WDR4: variants seen among roughly 807,000 people sequenced by gnomAD.
WDR4 encodes WDR4 tRNA N7-guanosine methyltransferase non-catalytic subunit, also known as tRNA (guanine-N(7)-)-methyltransferase non-catalytic subunit WDR4.
Under a neutral mutation model 48.6 loss-of-function variants are expected in WDR4, and 47 were observed. That is an observed-to-expected ratio of 0.97 (90% CI 0.77 to 1.23). The LOEUF is 1.23. Ranked by LOEUF, WDR4 falls within the 50% of genes most tolerant of loss-of-function variation. WDR4 has a pLI of 0.00. For missense variants in WDR4, 606 were observed against 551.6 expected, an observed-to-expected ratio of 1.10 and a Z score of -0.99; for synonymous variants, 268 against 230.0, an observed-to-expected ratio of 1.17 and a Z score of -1.49.
At chr21:42,885,914 G>A in the WDR4 span, among the ~76,000 whole-genome samples, 1 of 150,416 alleles carries the variant, frequency 6.6e-6, no homozygotes, top group Non-Finnish European at 1.5e-5. Flanking sequence ...CCAGGCTAGT[G>A]CCAAATCCCC....
chr21:42,859,540 G>C, intron 6 of WDR4, 122 bp downstream of exon 6: 1 of 1,188,650 alleles, frequency 8.4e-7, no homozygotes, highest in Non-Finnish European at 1.2e-6. Context: ...CTAAGATCTA[G>C]TGGACAGCCA....
rs764876034 is a variant in WDR4, at chr21:42,852,341, G to A, written c.976-17C>T. 1.9e-6 allele frequency: 3 copies of A among 1,613,468 alleles called. No homozygotes were observed. In the African/African-American group the frequency reaches 4.0e-5, roughly 22 times the overall value. ...AGGAACAGACTGCAGGCGACAAACAGGAAATCTTCATCAGAAAGAGGCAGG... is the reference window on the plus strand; with the variant it reads ...AGGAACAGACTGCAGGCGACAAACAAGAAATCTTCATCAGAAAGAGGCAGG... On this transcript the variant is annotated splice_polypyrimidine_tract_variant and intron_variant, in intron 9 of 10. Transcript: ENST00000398208.
At chr21:42,851,989 C>T (rs918391688) in intron 10 of WDR4, among the ~76,000 whole-genome samples, 1 of 152,370 alleles carries the variant, frequency 6.6e-6, no homozygotes, top group East Asian at 1.9e-4. Context: ...GGACCTTCAA[C>T]GCCCAACTCT....
In WDR4 at chr21:42,854,619, G is replaced by C; in HGVS notation, c.734C>G (p.Ala245Gly). 6.2e-7 allele frequency: 1 copy of C among 1,613,176 alleles called. No individual in the cohort carries two copies. The highest frequency in any genetic ancestry group is 1.1e-5 in the South Asian group (1 of 90,868). The part of the protein sequence containing the change: ...LVDPQAPQKF[A>G]ASRIAFWCQE... ...GCACCAGAATGCAATCCTGGACGCGGCAAACTTCTAAAAGGAGAAGAAGCC... is the reference window on the plus strand; with the variant it reads ...GCACCAGAATGCAATCCTGGACGCGCCAAACTTCTAAAAGGAGAAGAAGCC... The change falls in exon 8 of 11, where the codon GCC becomes GGC. Residue 245 changes from alanine to glycine, a missense_variant. By Grantham distance (60) the Ala-to-Gly change is moderately conservative. Transcript: ENST00000398208.
the WDR4 span, among the ~76,000 whole-genome samples, chr21:42,888,272 A>G: frequency 6.6e-6 from 1 of 152,214 alleles, no homozygotes. Context: ...TATATTATGA[A>G]TATCAGCCAG....
At chr21:42,861,034 G>A (rs1188978187) in intron 5 of WDR4, among the ~76,000 whole-genome samples, 3 of 152,162 alleles carry the variant, frequency 2.0e-5, no homozygotes, top group South Asian at 2.1e-4. Context: ...CGGGCAGGCC[G>A]GGCACGGTGG....
chr21:42,871,559 G>A (rs2058368887), intron 3 of WDR4, among the ~76,000 whole-genome samples: 1 of 152,248 alleles, frequency 6.6e-6, no homozygotes, highest in Non-Finnish European at 1.5e-5. Context: ...GCAAGAGGAT[G>A]CCGTTCACAG....
At chr21:42,873,778 T>C (rs896831779) in intron 2 of WDR4, 87 bp from the exon 3 acceptor site, 4 of 1,499,756 alleles carry the variant, frequency 2.7e-6, no homozygotes, top group African/African-American at 2.8e-5. Flanking sequence ...ATTTCTAACA[T>C]GGGAGGAGGT....
upstream of WDR4, among the ~76,000 whole-genome samples, chr21:42,883,435 T>G (rs2058621271): frequency 6.6e-6 from 1 of 151,748 alleles, no homozygotes; most frequent in Admixed American, 6.6e-5. Context: ...TCATGGTGGT[T>G]GTAGTGGGTT....
At chr21:42,873,826 C>T in intron 2 of WDR4, 135 bp from the exon 3 acceptor site, 1 of 1,005,352 alleles carries the variant, frequency 9.9e-7, no homozygotes. Flanking sequence ...AAAATACAGA[C>T]ATATTAAAGG....
chr21:42,856,418 G>T (rs1366967664), intron 6 of WDR4, among the ~76,000 whole-genome samples: 1 of 151,954 alleles, frequency 6.6e-6, no homozygotes, highest in Non-Finnish European at 1.5e-5. Flanking sequence ...TAATTGAAAT[G>T]GGGTCTATTC....
At chr21:42,872,078 A>T (rs1390402520) in intron 3 of WDR4, among the ~76,000 whole-genome samples, 1 of 151,570 alleles carries the variant, frequency 6.6e-6, no homozygotes, top group Non-Finnish European at 1.5e-5. Flanking sequence ...TCCGCCTCCC[A>T]GGTTCGGGAG....
chr21:42,883,274 CAA>C (rs56707881), upstream of WDR4, among the ~76,000 whole-genome samples: 42 of 77,730 alleles, frequency 5.4e-4, no homozygotes, highest in Middle Eastern at 8.9e-3. Flanking sequence ...GACTCTGTCT[CAA>C]AAAAAAAAAA....
intron 3 of WDR4, among the ~76,000 whole-genome samples, chr21:42,868,650 C>CAG (rs2058303128): frequency 6.6e-6 from 1 of 152,222 alleles, no homozygotes; most frequent in African/African-American, 2.4e-5. Context: ...GGGCCTTGGG[C>CAG]CCCACAGGCA....
chr21:42,881,544 C>G (rs1305513508), upstream of WDR4, among the ~76,000 whole-genome samples: 1 of 151,998 alleles, frequency 6.6e-6, no homozygotes, highest in East Asian at 1.9e-4. Context: ...TTTTCTCTGC[C>G]CATCTTACTG....
rs763283550 is a variant in WDR4 at position 42,863,513 on chromosome 21, T to A, written c.380A>T (p.Tyr127Phe). The stretch of plus-strand genomic sequence containing the variant: ...GTGTGGCTCCAGCACCGAAAAGGAG[T>A]AGACGTCTCCAGACTTGTCGGCCAC... Reference protein sequence around the residue: ...VLVADKSGDVYSFSVLEPHGC... With the variant: ...VLVADKSGDVFSFSVLEPHGC... The change falls in exon 4 of 11, where the codon TAC (tyrosine) becomes TTC (phenylalanine). Residue 127 changes from tyrosine (Y) to phenylalanine (F), a missense_variant. By Grantham distance (22) the Tyr-to-Phe change is conservative. Coordinates refer to ENST00000398208, the MANE Select transcript of WDR4 (RefSeq NM_018669.6). 6.2e-7 allele frequency: 1 copy of A among 1,610,820 alleles called. No individual in the cohort carries two copies. Among genetic ancestry groups the A allele is most frequent in the Non-Finnish European group, 8.5e-7 (1 of 1,179,286 alleles).
At position 42,860,980 on chromosome 21, in the gene WDR4, G is replaced by A. The variant is rs577898775; in HGVS notation, c.567-1258C>T. On this transcript the variant is annotated intron_variant, in intron 5 of 10. Coordinates refer to ENST00000398208, the MANE Select transcript of WDR4 (RefSeq NM_018669.6). Reference sequence around the variant, plus strand: ...ACCTCCAGCCACACACAGGGGCCACGGGGCTTTGTTTTCAATTTGCCAGCC... The same window carrying A: ...ACCTCCAGCCACACACAGGGGCCACAGGGCTTTGTTTTCAATTTGCCAGCC... Among the ~76,000 whole-genome samples the A allele has an allele frequency of 5.3e-5, 8 of 152,230 alleles. No individual in the cohort carries two copies. The East Asian group carries it at 5.8e-4, about 11-fold the overall frequency.
chr21:42,869,885 T>C (rs1455523834), intron 3 of WDR4, among the ~76,000 whole-genome samples: 4 of 151,682 alleles, frequency 2.6e-5, no homozygotes, highest in African/African-American at 9.7e-5. Context: ...TGGTGGTGCA[T>C]GCCTGTAATC....
chr21:42,846,362 G>C (rs753060971), downstream of WDR4, among the ~76,000 whole-genome samples: 3 of 152,232 alleles, frequency 2.0e-5, no homozygotes, highest in Non-Finnish European at 4.4e-5. Flanking sequence ...CAGCAAGAGG[G>C]AAACTGAGGT....
Sources: gnomAD v4.1 joint callset for allele counts (sites outside exome capture counted in the v4.1 genomes callset) on GRCh38, gnomAD v4.1.1 for gene constraint, MANE v1.5 for transcripts, NCBI Gene and HGNC (gene_info 2026-07-23, HGNC 2026-07-21) for gene names.